SMUG1: variants seen among roughly 807,000 people sequenced by gnomAD.
SMUG1 encodes single-strand-selective monofunctional uracil-DNA glycosylase 1.
In SMUG1, 13 loss-of-function variants were observed where a neutral mutation model predicts 23.9. The ratio of observed to expected loss-of-function variants is 0.54; its 90% CI spans 0.35 to 0.86. The LOEUF (loss-of-function observed/expected upper bound fraction) is 0.86. Ranked by LOEUF, SMUG1 falls within the 40% of genes least tolerant of loss-of-function variation. SMUG1 has a pLI of 0.01. For missense variants in SMUG1, 313 were observed against 339.5 expected, an observed-to-expected ratio of 0.92 and a Z score of 0.61; for synonymous variants, 133 against 139.8, an observed-to-expected ratio of 0.95 and a Z score of 0.34.
intron 3 of SMUG1, 140 bp downstream of exon 3, chr12:54,183,516 G>C (rs1181453389): frequency 4.9e-6 from 4 of 814,786 alleles, no homozygotes; most frequent in Non-Finnish European, 8.1e-6. Flanking sequence ...ACAGGAGCCA[G>C]TATATGTGTT....
At chr12:54,172,123 A>G (rs1481137700) in intron 2 of SMUG1, 1 of 453,550 alleles carries the variant, frequency 2.2e-6, no homozygotes, top group Admixed American at 2.4e-5. Context: ...TAAAAAGACA[A>G]GGCAGATCAT....
intron 2 of SMUG1, among the ~76,000 whole-genome samples, chr12:54,185,781 C>A (rs1942316853): frequency 6.6e-6 from 1 of 152,140 alleles, no homozygotes; most frequent in African/African-American, 2.4e-5. Context: ...TGTGCCACTG[C>A]ACTCCAGCCT....
intron 2 of SMUG1, among the ~76,000 whole-genome samples, chr12:54,185,485 A>AAAATAAATAAATAAAT (rs71070813): frequency 1.2e-5 from 1 of 85,184 alleles, no homozygotes; most frequent in African/African-American, 3.9e-5. Flanking sequence ...AATAAAATAA[A>AAAATAAATAAATAAAT]AAATAAATAA....
intron 2 of SMUG1, among the ~76,000 whole-genome samples, chr12:54,186,088 T>C (rs149764429): frequency 4.2e-4 from 64 of 152,300 alleles, no homozygotes; most frequent in African/African-American, 1.5e-3. Flanking sequence ...ATACCATTTC[T>C]ACAGTCCAAC....
downstream of SMUG1, among the ~76,000 whole-genome samples, chr12:54,161,464 C>G (rs369844975): frequency 2.2e-3 from 337 of 152,294 alleles, 7 homozygotes; most frequent in South Asian, 0.053. This position sits in a 1 kb window ranked among gnomAD's most constrained non-coding sequence, Gnocchi z 4.2. Context: ...CAGGGGAGGG[C>G]AGAGGGCAGG....
At chr12:54,160,574 G>C (rs1285651208), downstream of SMUG1, among the ~76,000 whole-genome samples, 1 of 152,174 alleles carries the variant, frequency 6.6e-6, no homozygotes, top group Admixed American at 6.5e-5. Context: ...CGTAGGAGGA[G>C]TGCTACGGCC....
chr12:54,181,400 C>G lies in SMUG1; in HGVS notation c.*696G>C, dbSNP rs1941047820. 1 of 689,684 alleles carries G rather than the reference C, an allele frequency of 1.4e-6. No individual in the cohort carries two copies. The highest frequency in any genetic ancestry group is 1.8e-5 in the South Asian group (1 of 54,526). 42.7% of individuals were successfully genotyped at this position (689,684 alleles called of 1,614,324 possible). On this transcript the variant is annotated 3_prime_UTR_variant, in exon 4 of 4. Transcript: ENST00000682136. The stretch of plus-strand genomic sequence containing the variant: ...ATGCCAAGCCCATGCAAGGCACTTT[C>G]AAGTGTGATCTCAGTTAATCCTCAC...
At chr12:54,182,790 C>T in intron 3 of SMUG1, 167 bp from the exon 4 acceptor site, 2 of 1,333,318 alleles carry the variant, frequency 1.5e-6, no homozygotes, top group Non-Finnish European at 2.0e-6. Context: ...TGGTTTGAGC[C>T]TGTCTGTCTT....
At chr12:54,179,166 G>A (rs1162752796), downstream of SMUG1, among the ~76,000 whole-genome samples, 1 of 152,172 alleles carries the variant, frequency 6.6e-6, no homozygotes, top group Non-Finnish European at 1.5e-5. Flanking sequence ...TTTGGGACTC[G>A]GACTGAGCCA....
At chr12:54,184,143 T>G in intron 2 of SMUG1, 184 bp from the exon 3 acceptor site, 1 of 471,270 alleles carries the variant, frequency 2.1e-6, no homozygotes, top group Non-Finnish European at 3.7e-6. Context: ...GAAGGGCCCT[T>G]TCCCTCCCCA....
chr12:54,178,832 G>C (rs989610665), downstream of SMUG1, among the ~76,000 whole-genome samples: 9 of 152,272 alleles, frequency 5.9e-5, no homozygotes, highest in Middle Eastern at 3.4e-3. Context: ...CTGGGTATTA[G>C]CAGAAGAGAT....
chr12:54,179,945 A>G (rs1940853862), downstream of SMUG1, among the ~76,000 whole-genome samples: 1 of 152,240 alleles, frequency 6.6e-6, no homozygotes, highest in Non-Finnish European at 1.5e-5. Context: ...CAGGATACCA[A>G]TGCACATCCC....
chr12:54,180,036 G>A (rs902937282), downstream of SMUG1, among the ~76,000 whole-genome samples: 7 of 151,816 alleles, frequency 4.6e-5, no homozygotes, highest in Admixed American at 4.6e-4. Context: ...TTTTACCATA[G>A]ATATAATTGG....
chr12:54,171,686 CA>C lies in SMUG1; in HGVS notation c.*52+338del, dbSNP rs55830557. ...TGGCAACAGAGCTAGAGTCTTGTCT[CA>C]AAAAAAAAAAAAAAAAAAAAAGCTA... On this transcript the variant is annotated intron_variant and NMD_transcript_variant, in intron 3 of 4. Coordinates refer to the SMUG1 transcript ENST00000509864. Among the ~76,000 whole-genome samples, 430 of 69,040 alleles carry C rather than the reference CA, an allele frequency of 6.2e-3. 2 individuals are homozygous for C. Among genetic ancestry groups the C allele is most frequent in the African/African-American group, 0.017 (282 of 16,858 alleles). 45.3% of individuals were successfully genotyped at this position (69,040 alleles called of 152,430 possible).
In SMUG1 at chr12:54,183,691, T is replaced by C. The variant is rs369851108; in HGVS notation, c.250A>G (p.Met84Val). The C allele has an allele frequency of 7.4e-6, 12 of 1,614,010 alleles. No homozygotes were observed. Among genetic ancestry groups the C allele is most frequent in the Non-Finnish European group, 1.0e-5 (12 of 1,179,970 alleles). The change falls in exon 3 of 4, where the codon ATG becomes GTG. Residue 84 changes from methionine to valine, a missense_variant. By Grantham distance (21) the Met-to-Val change is conservative. Coordinates refer to ENST00000682136, the MANE Select transcript of SMUG1 (RefSeq NM_001243787.2). ...GCCATGCCAAAAGGTCCAGGGTTCA[T>C]GCCCAGGAAGAGTACTTCCTTGGGG... ...QGPKEVLFLGMNPGPFGMAQT... is the reference protein window; with the variant it reads ...QGPKEVLFLGVNPGPFGMAQT...
downstream of SMUG1, chr12:54,162,111 G>C (rs1444014297): frequency 6.5e-6 from 1 of 153,068 alleles, no homozygotes; most frequent in Non-Finnish European, 1.5e-5. Context: ...GGACAGGCAG[G>C]GAGTGGCAGG....
At chr12:54,174,024 C>A (rs1315420198) in intron 2 of SMUG1, among the ~76,000 whole-genome samples, 4 of 152,144 alleles carry the variant, frequency 2.6e-5, no homozygotes, top group African/African-American at 9.7e-5. Flanking sequence ...GACACAAATG[C>A]ATGTAATACA....
At chr12:54,166,872 C>T (rs781490738) in intron 3 of SMUG1, among the ~76,000 whole-genome samples, 1 of 152,140 alleles carries the variant, frequency 6.6e-6, no homozygotes, top group African/African-American at 2.4e-5. Flanking sequence ...AAATGCTGCC[C>T]CTTCCCAGCA....
chr12:54,176,092 G>A (rs998910785), downstream of SMUG1, among the ~76,000 whole-genome samples: 2 of 152,134 alleles, frequency 1.3e-5, no homozygotes, highest in Admixed American at 6.5e-5. Flanking sequence ...CAGGCATGTT[G>A]GCACATGCCT....
Sources: gnomAD v4.1 joint callset for allele counts (sites outside exome capture counted in the v4.1 genomes callset) on GRCh38, gnomAD v4.1.1 for gene constraint, Gnocchi (gnomAD v3.1) non-coding constraint, MANE v1.5 for transcripts, NCBI Gene and HGNC (gene_info 2026-07-23, HGNC 2026-07-21) for gene names.